Variants in ANKRD26 observed in about 807,000 individuals in gnomAD.
The protein encoded by ANKRD26 is ankyrin repeat domain-containing protein 26.
In ANKRD26, 141 loss-of-function variants were observed where a neutral mutation model predicts 208.7. The ratio of observed to expected loss-of-function variants is 0.68; its 90% confidence interval spans 0.59 to 0.78. ANKRD26 has a LOEUF of 0.78. Ranked by LOEUF, ANKRD26 falls within the 30% of genes least tolerant of loss-of-function variation. ANKRD26 has a pLI of 0.00. For missense variants in ANKRD26, 1,889 were observed against 1,938.7 expected, an observed-to-expected ratio of 0.97 and a Z score of 0.48; for synonymous variants, 636 against 660.4, an observed-to-expected ratio of 0.96 and a Z score of 0.57.
intron 4 of ANKRD26, among the ~76,000 whole-genome samples, chr10:27,087,036 T>C (rs2056147856): frequency 1.3e-5 from 2 of 152,160 alleles, no homozygotes; most frequent in Non-Finnish European, 2.9e-5. Flanking sequence ...CCTCCCAAAG[T>C]GCTGGGATTA....
chr10:26,963,685 C>T, the ANKRD26 span, among the ~76,000 whole-genome samples: 11 of 152,050 alleles, frequency 7.2e-5, no homozygotes, highest in African/African-American at 2.7e-4. Context: ...CAGGGTATAG[C>T]GGTCTCAGTT....
chr10:27,042,417 G>C (rs568691803), intron 20 of ANKRD26, among the ~76,000 whole-genome samples: 1 of 151,950 alleles, frequency 6.6e-6, no homozygotes, highest in South Asian at 2.1e-4. Flanking sequence ...GGGAGTTTGA[G>C]ACCAGCCTGG....
intron 29 of ANKRD26, among the ~76,000 whole-genome samples, chr10:27,018,228 G>A (rs1172206483): frequency 3.3e-5 from 5 of 149,758 alleles, no homozygotes; most frequent in East Asian, 2.0e-4. Flanking sequence ...TTTGCCTCCC[G>A]GGTTCATGCC....
At chr10:27,052,878 C>T (rs934414382) in intron 16 of ANKRD26, among the ~76,000 whole-genome samples, 1 of 152,018 alleles carries the variant, frequency 6.6e-6, no homozygotes, top group Non-Finnish European at 1.5e-5. Flanking sequence ...GAATCAGTGA[C>T]CAGCAATATA....
intron 17 of ANKRD26, among the ~76,000 whole-genome samples, chr10:27,047,264 CTA>C (rs1353908701): frequency 6.6e-6 from 1 of 151,980 alleles, no homozygotes; most frequent in Non-Finnish European, 1.5e-5. Context: ...TTTAGAATAC[CTA>C]TATGTCATTA....
At position 27,066,934 on chromosome 10, in the gene ANKRD26, G is replaced by C. The variant is rs551209825; in HGVS notation, c.1207+223C>G. 2.0e-5 allele frequency among the ~76,000 whole-genome samples: 3 copies of C among 151,836 alleles called. 1 individual carries two copies. The South Asian group carries it at 6.2e-4, about 32-fold the overall frequency. On this transcript the variant is annotated intron_variant, in intron 10 of 33. Coordinates refer to ENST00000376087, the MANE Select transcript of ANKRD26 (RefSeq NM_014915.3). ...GCAATTCTCTGCCTCAGCCTCCCGA[G>C]TACCTGGGATTATAGGCACGCACCA...
chr10:27,005,505 C>T lies in ANKRD26; in HGVS notation c.*85G>A. 1.3e-6 allele frequency: 2 copies of T among 1,551,668 alleles called. No homozygotes were observed. The highest frequency in any genetic ancestry group is 1.7e-6 in the Non-Finnish European group (2 of 1,146,886). On this transcript the variant is annotated 3_prime_UTR_variant, in exon 34 of 34. Coordinates refer to ENST00000376087, the MANE Select transcript of ANKRD26 (RefSeq NM_014915.3). ...GACATATATGATACAAAAATACGTT[C>T]CTTTAATATTTTTACATGTCATATA...
At chr10:27,051,888 C>T (rs2135377685) in intron 16 of ANKRD26, 1 of 985,386 alleles carries the variant, frequency 1.0e-6, no homozygotes. Flanking sequence ...AGTTTCACCA[C>T]AGCTCTGCTT....
rs759031367 is a variant in ANKRD26 at position 27,024,427 on chromosome 10, C to T, written c.4085+20G>A. The stretch of plus-strand genomic sequence containing the variant: ...TCAATTAATGAATGGTTAAAATGAT[C>T]TGAAATATTAAAATCTTACCCAGTT... On this transcript the variant is annotated intron_variant, in intron 28 of 33. Transcript: ENST00000376087. 8 of 1,293,422 alleles carry T rather than the reference C, an allele frequency of 6.2e-6. No homozygotes were observed. Among genetic ancestry groups the T allele is most frequent in the Non-Finnish European group, 8.9e-6 (8 of 898,754 alleles). 80.1% of individuals were successfully genotyped at this position (1,293,422 alleles called of 1,614,324 possible).
chr10:27,025,115 C>T (rs1047703582), intron 27 of ANKRD26, among the ~76,000 whole-genome samples: 2 of 152,056 alleles, frequency 1.3e-5, no homozygotes, highest in Non-Finnish European at 2.9e-5. Context: ...TAACTTTTGC[C>T]TGATTCTTGT....
chr10:27,088,598 T>C (rs1341970937), intron 4 of ANKRD26, among the ~76,000 whole-genome samples: 1 of 151,918 alleles, frequency 6.6e-6, no homozygotes, highest in Non-Finnish European at 1.5e-5. Context: ...GCTTGGGAGA[T>C]TTTCATTATG....
chr10:27,070,712 A>G (rs2055452704), intron 9 of ANKRD26, among the ~76,000 whole-genome samples: 1 of 151,770 alleles, frequency 6.6e-6, no homozygotes, highest in Non-Finnish European at 1.5e-5. Flanking sequence ...GTCGCCCAGA[A>G]TGGAGTACAA....
At chr10:26,974,405 A>G (rs978294964) in exon 6 of ANKRD26, among the ~76,000 whole-genome samples, 1 of 149,446 alleles carries the variant, frequency 6.7e-6, no homozygotes, top group East Asian at 2.0e-4. Context: ...CAGTGGTGCA[A>G]TCTCAGCTCA....
the ANKRD26 span, among the ~76,000 whole-genome samples, chr10:26,960,924 G>C: frequency 3.3e-5 from 5 of 152,042 alleles, no homozygotes; most frequent in Non-Finnish European, 4.4e-5. Context: ...TTTAAATTAA[G>C]TATAAAATTT....
chr10:27,005,237 T>C lies in ANKRD26; in HGVS notation c.*353A>G. On this transcript the variant is annotated 3_prime_UTR_variant, in exon 34 of 34. Coordinates refer to ENST00000376087, the MANE Select transcript of ANKRD26 (RefSeq NM_014915.3). Reference sequence around the variant, plus strand: ...CCACAGTTCCTGCACAACAAAATGATGTCTAAGTCCAATTAGACATCTACC... The same window carrying C: ...CCACAGTTCCTGCACAACAAAATGACGTCTAAGTCCAATTAGACATCTACC... 9.9e-7 allele frequency: 1 copy of C among 1,009,928 alleles called. No homozygotes were observed. Among genetic ancestry groups the C allele is most frequent in the Non-Finnish European group, 1.2e-6 (1 of 845,224 alleles). 62.6% of individuals were successfully genotyped at this position (1,009,928 alleles called of 1,614,324 possible).
chr10:27,060,528 C>A lies in ANKRD26; in HGVS notation c.1475G>T (p.Arg492Ile). The A allele has an allele frequency of 6.5e-7, 1 of 1,541,368 alleles. No individual in the cohort carries two copies. Among genetic ancestry groups the A allele is most frequent in the Non-Finnish European group, 8.9e-7 (1 of 1,117,854 alleles). The change falls in exon 14 of 34, where the codon AGA (arginine) becomes ATA (isoleucine). Residue 492 changes from arginine (R) to isoleucine (I), a missense_variant. Around this residue, in one of 3 missense-constraint regions of ANKRD26, gnomAD observed 1,272 missense variants for 1,273.8 expected, o/e 1.00. Coordinates refer to ENST00000376087, the MANE Select transcript of ANKRD26 (RefSeq NM_014915.3). ...ACTTATTACCTTCAAGTGAAGATAT[C>A]TCTCAGGAGACTCTAAAAACCAAAA... The part of the protein sequence containing the change: ...MPVAHMESPE[R>I]YLHLKPTIEM...
At chr10:27,013,797 A>G (rs1304032542) in intron 31 of ANKRD26, among the ~76,000 whole-genome samples, 1 of 152,220 alleles carries the variant, frequency 6.6e-6, no homozygotes, top group African/African-American at 2.4e-5. Context: ...TTGGTGATCA[A>G]AAAGAACTAA....
chr10:27,051,677 A>C (rs1301394371), intron 16 of ANKRD26: 1 of 985,274 alleles, frequency 1.0e-6, no homozygotes, highest in Non-Finnish European at 1.2e-6. Flanking sequence ...AGTATGAAGG[A>C]AATGAAAAGC....
chr10:27,014,684 C>T lies in ANKRD26; in HGVS notation c.4534G>A (p.Glu1512Lys), dbSNP rs771926693. The change falls in exon 31 of 34, where the codon GAG becomes AAG. Residue 1512 changes from glutamate (E) to lysine (K), a missense_variant. Glu to Lys is a moderately conservative substitution (Grantham distance 56, BLOSUM62 1). This residue lies in a region of ANKRD26 where 613 missense variants were observed against 648.2 expected (regional missense o/e 0.95). Transcript: ENST00000376087. ...GCAAAATTATTCTCTCTAAACTGCTCTAAGTTTTCTTGAGATGCTGCTTGT... is the reference window on the plus strand; with the variant it reads ...GCAAAATTATTCTCTCTAAACTGCTTTAAGTTTTCTTGAGATGCTGCTTGT... ...QAQAASQENL[E>K]QFRENNFASM... 3.7e-6 allele frequency: 6 copies of T among 1,612,986 alleles called. No homozygotes were observed. Among genetic ancestry groups the T allele is most frequent in the Non-Finnish European group, 5.1e-6 (6 of 1,179,690 alleles).
Sources: allele counts gnomAD v4.1 joint callset (sites outside exome capture counted in the v4.1 genomes callset), GRCh38; gene constraint gnomAD v4.1.1; regional missense constraint gnomAD v4.1.1; transcripts MANE v1.5; gene names NCBI Gene and HGNC (gene_info 2026-07-23, HGNC 2026-07-21).